The following FSTL1 variants were observed in gnomAD, a reference collection of about 807,000 sequenced individuals.
FSTL1 encodes follistatin like 1, also known as follistatin-related protein 1.
A neutral mutation model predicts 45.9 loss-of-function variants in FSTL1; 24 were observed. The observed-to-expected ratio is 0.52, with a 90% confidence interval of 0.38 to 0.74. The LOEUF (loss-of-function observed/expected upper bound fraction) is 0.74, where lower values mean the gene tolerates loss of function less well. Ranked by LOEUF, FSTL1 falls within the 30% of genes least tolerant of loss-of-function variation. The pLI is 0.00. For synonymous variants in FSTL1, 120 were observed against 137.6 expected, an observed-to-expected ratio of 0.87 and a Z score of 0.89; for missense variants, 340 against 381.8, an observed-to-expected ratio of 0.89 and a Z score of 0.91.
intron 9 of FSTL1, 66 bp from the exon 10 acceptor site, chr3:120,400,025 T>A: frequency 9.7e-7 from 1 of 1,033,530 alleles, no homozygotes. Flanking sequence ...TCCGCCAAGA[T>A]CTACCTAGAG....
intron 2 of FSTL1, among the ~76,000 whole-genome samples, chr3:120,440,644 A>G (rs1178162902): frequency 6.6e-6 from 1 of 152,234 alleles, no homozygotes; most frequent in Non-Finnish European, 1.5e-5. Context: ...CTAACAGAGA[A>G]CAGATTTGCA....
chr3:120,446,358 C>A (rs1463397723), intron 2 of FSTL1, among the ~76,000 whole-genome samples: 1 of 152,212 alleles, frequency 6.6e-6, no homozygotes, highest in South Asian at 2.1e-4. Flanking sequence ...CTTCTATGAG[C>A]CTGGGGATGG....
At chr3:120,450,483 G>C (rs1236873872) in intron 2 of FSTL1, among the ~76,000 whole-genome samples, 1 of 152,036 alleles carries the variant, frequency 6.6e-6, no homozygotes, top group African/African-American at 2.4e-5. Flanking sequence ...TCCCGCTTAC[G>C]GCCCGAACTA....
At chr3:120,398,916 C>A (rs1404346941) in intron 10 of FSTL1, among the ~76,000 whole-genome samples, 1 of 152,184 alleles carries the variant, frequency 6.6e-6, no homozygotes, top group Non-Finnish European at 1.5e-5. Context: ...AAGCAAAAGA[C>A]TAGAAGCTTT....
chr3:120,435,642 C>A (rs1283949840), intron 2 of FSTL1, among the ~76,000 whole-genome samples: 1 of 152,234 alleles, frequency 6.6e-6, no homozygotes, highest in South Asian at 2.1e-4. Context: ...TACATGCACA[C>A]ACTTCAGCCT....
intron 2 of FSTL1, among the ~76,000 whole-genome samples, chr3:120,417,792 C>T (rs1411080112): frequency 1.3e-5 from 2 of 152,190 alleles, no homozygotes; most frequent in Non-Finnish European, 2.9e-5. Flanking sequence ...CAAAGACACC[C>T]GCACACAGCT....
At chr3:120,418,692 CTCTAT>C (rs1462786057) in intron 2 of FSTL1, among the ~76,000 whole-genome samples, 3 of 152,188 alleles carry the variant, frequency 2.0e-5, no homozygotes, top group Admixed American at 2.0e-4. Flanking sequence ...CACATCCCAC[CTCTAT>C]TCCTTACTTG....
At position 120,402,800 on chromosome 3, in the gene FSTL1, C is replaced by T. The variant is rs747216275; in HGVS notation, c.805+8G>A. 10 of 1,498,888 alleles carry T rather than the reference C, an allele frequency of 6.7e-6. No individual in the cohort carries two copies. In the East Asian group the frequency reaches 1.4e-4, roughly 20 times the overall value. The allele number at this position is 1,498,888 out of a possible 1,614,324, so 92.8% of individuals were successfully genotyped here. A position where few individuals can be genotyped will look rare whatever the true frequency, so the allele number is the denominator to read the frequency against. On this transcript the variant is annotated splice_region_variant and intron_variant, in intron 9 of 10. Coordinates refer to ENST00000295633, the MANE Select transcript of FSTL1 (RefSeq NM_007085.5). ...CTGTTTTTTCTTTCTGCTTGAAGCA[C>T]AGCTCACCGTCACAGGTCATGGCTG...
At chr3:120,410,615 GCCTTCTATTT>G (rs1937032827) in intron 5 of FSTL1, 2 of 402,914 alleles carry the variant, frequency 5.0e-6, no homozygotes, top group Non-Finnish European at 4.8e-6. Context: ...AAAGAGTTGT[GCCTTCTATTT>G]GCTGGTCCCA....
chr3:120,417,228 C>A (rs138082668), intron 2 of FSTL1, among the ~76,000 whole-genome samples: 1 of 152,320 alleles, frequency 6.6e-6, no homozygotes, highest in East Asian at 1.9e-4. Context: ...CTCACACCCA[C>A]AAGTCTTGTA....
Position 120,416,185 on chromosome 3 carries a change from C to T in FSTL1, c.64-158G>A, listed in dbSNP as rs538427929. Among the ~76,000 whole-genome samples the T allele has an allele frequency of 5.9e-5, 9 of 152,238 alleles. No individual in the cohort carries two copies. In the South Asian group the frequency reaches 1.2e-3, roughly 21 times the overall value. On this transcript the variant is annotated intron_variant, in intron 2 of 10. Transcript: ENST00000295633. Reference sequence around the variant, plus strand: ...TTGGGTCTTAAACAGCTGTTGGAGACGTTGCCTCCAACAGCTAGTGCCCTA... The same window carrying T: ...TTGGGTCTTAAACAGCTGTTGGAGATGTTGCCTCCAACAGCTAGTGCCCTA...
At chr3:120,426,612 G>GCTCACTTCTTC (rs1464993644) in intron 2 of FSTL1, among the ~76,000 whole-genome samples, 1 of 152,136 alleles carries the variant, frequency 6.6e-6, no homozygotes, top group African/African-American at 2.4e-5. Flanking sequence ...AGCTGGAACA[G>GCTCACTTCTTC]TACCCCCATC....
At chr3:120,408,784 CTTCTGAGTGTGATA>C (rs1298937535) in intron 6 of FSTL1, among the ~76,000 whole-genome samples, 1 of 150,792 alleles carries the variant, frequency 6.6e-6, no homozygotes, top group African/African-American at 2.4e-5. Flanking sequence ...CTTCTCTGTG[CTTCTGAGTGTGATA>C]TTCTGAGTGT....
At chr3:120,411,282 C>T in intron 4 of FSTL1, 1 of 312,864 alleles carries the variant, frequency 3.2e-6, no homozygotes, top group Non-Finnish European at 6.1e-6. Flanking sequence ...TCATTCTGGA[C>T]AGGGAATGGA....
intron 3 of FSTL1, among the ~76,000 whole-genome samples, chr3:120,413,935 G>C (rs1259747600): frequency 6.6e-6 from 1 of 151,976 alleles, no homozygotes; most frequent in East Asian, 1.9e-4. Context: ...GCGATTGCAG[G>C]CTTGCGCCGC....
At chr3:120,408,414 T>A (rs1343386552) in intron 6 of FSTL1, among the ~76,000 whole-genome samples, 1 of 152,228 alleles carries the variant, frequency 6.6e-6, no homozygotes, top group African/African-American at 2.4e-5. Context: ...AGTGAAGTCT[T>A]AAATGACCAA....
intron 7 of FSTL1, among the ~76,000 whole-genome samples, chr3:120,403,920 C>CAAAA (rs34145564): frequency 0.033 from 1,698 of 51,934 alleles, 107 homozygotes; most frequent in African/African-American, 0.058. Context: ...GACTCCGTCT[C>CAAAA]AAAAAAAAAA....
rs1937888203 is a variant in FSTL1 at position 120,450,974 on chromosome 3, C to G, written c.-78G>C. On this transcript the variant is annotated 5_prime_UTR_variant, in exon 1 of 11. Coordinates refer to ENST00000295633, the MANE Select transcript of FSTL1 (RefSeq NM_007085.5). ...CTGTAAGCGGAGGTGGGAGCTCCGCCGATCGCCAGCCTCGGAGGAAATGCG... is the reference window on the plus strand; with the variant it reads ...CTGTAAGCGGAGGTGGGAGCTCCGCGGATCGCCAGCCTCGGAGGAAATGCG... The G allele has an allele frequency of 4.4e-6, 2 of 456,838 alleles. No individual in the cohort carries two copies. The highest frequency in any genetic ancestry group is 7.7e-6 in the Non-Finnish European group (2 of 259,104). The allele number at this position is 456,838 out of a possible 1,614,324, so 28.3% of individuals were successfully genotyped here. A position where few individuals can be genotyped will look rare whatever the true frequency, so the allele number is the denominator to read the frequency against.
chr3:120,434,616 C>T (rs1225840428), intron 2 of FSTL1, among the ~76,000 whole-genome samples: 4 of 152,160 alleles, frequency 2.6e-5, no homozygotes, highest in Admixed American at 6.5e-5. Context: ...TAAACGCACA[C>T]GAACTTTGTA....
Sources: gnomAD v4.1 joint callset for allele counts (sites outside exome capture counted in the v4.1 genomes callset) on GRCh38, gnomAD v4.1.1 for gene constraint, MANE v1.5 for transcripts, NCBI Gene and HGNC (gene_info 2026-07-23, HGNC 2026-07-21) for gene names.